Variants in ATP13A3 observed in about 807,000 individuals in gnomAD.
ATP13A3 encodes the protein ATPase 13A3.
A neutral mutation model predicts 158.1 loss-of-function variants in ATP13A3; 59 were observed. That is an observed-to-expected ratio of 0.37 (90% CI 0.30 to 0.46). The LOEUF is 0.46. Among genes scored for constraint, ATP13A3 ranks in the 20% least tolerant of loss-of-function variants. The pLI is 1.00. For synonymous variants in ATP13A3, 491 were observed against 504.3 expected, an observed-to-expected ratio of 0.97 and a Z score of 0.35; for missense variants, 1,166 against 1,525.2, an observed-to-expected ratio of 0.76 and a Z score of 3.92.
intron 4 of ATP13A3, 29 bp from the exon 5 acceptor site, chr3:194,460,000 G>T: frequency 6.5e-7 from 1 of 1,544,336 alleles, no homozygotes; most frequent in South Asian, 1.2e-5. Flanking sequence ...TAACGGTAAG[G>T]AGTCAATTTT....
chr3:194,477,603 T>C (rs1026704713), intron 2 of ATP13A3, among the ~76,000 whole-genome samples: 6 of 152,208 alleles, frequency 3.9e-5, no homozygotes, highest in Non-Finnish European at 7.3e-5. Flanking sequence ...GATCCTTCTG[T>C]TCAGAAGTTA....
Position 194,403,899 on chromosome 3 carries a change from C to A in ATP13A3, c.*2020G>T. The A allele has an allele frequency of 3.2e-6, 1 of 307,992 alleles. No individual in the cohort carries two copies. 19.1% of individuals were successfully genotyped at this position (307,992 alleles called of 1,614,324 possible). On this transcript the variant is annotated 3_prime_UTR_variant, in exon 34 of 34. Coordinates refer to ENST00000645319, the MANE Select transcript of ATP13A3 (RefSeq NM_001367549.1). ...AGAAGAGATATAAAACCCTTACTAA[C>A]TCTAAATGTTAAAAAAGTGGGGGGG...
intron 30 of ATP13A3, chr3:194,424,533 T>C (rs1716618310): frequency 6.6e-6 from 1 of 152,198 alleles, no homozygotes. Flanking sequence ...GTGATTCCTA[T>C]GACATACCGA....
chr3:194,483,867 T>C (rs1720857567), intron 2 of ATP13A3, among the ~76,000 whole-genome samples: 1 of 152,160 alleles, frequency 6.6e-6, no homozygotes, highest in Admixed American at 6.5e-5. Flanking sequence ...CTTTAAAAAA[T>C]AAGAAATGTG....
chr3:194,449,374 T>A (rs1448299374), intron 11 of ATP13A3, among the ~76,000 whole-genome samples: 1 of 151,640 alleles, frequency 6.6e-6, no homozygotes, highest in African/African-American at 2.4e-5. Context: ...AAAAAAAAAA[T>A]TCACACGATT....
At chr3:194,409,655 T>G (rs80218867) in intron 33 of ATP13A3, among the ~76,000 whole-genome samples, 5,157 of 151,222 alleles carry the variant, frequency 0.034, 335 homozygotes, top group African/African-American at 0.12. Context: ...AAAGCATTTC[T>G]GATGAATAAT....
chr3:194,432,327 A>C (rs552291535), intron 21 of ATP13A3, among the ~76,000 whole-genome samples: 1 of 152,342 alleles, frequency 6.6e-6, no homozygotes, highest in East Asian at 1.9e-4. Flanking sequence ...ATCATACAAA[A>C]CAAAAAGGTA....
chr3:194,446,321 T>C (rs1718401217), intron 14 of ATP13A3, among the ~76,000 whole-genome samples: 1 of 149,324 alleles, frequency 6.7e-6, no homozygotes, highest in Non-Finnish European at 1.5e-5. Flanking sequence ...TGGGTTTCAC[T>C]CCAGGTACTT....
chr3:194,466,951 CA>C (rs1220098048), intron 2 of ATP13A3, among the ~76,000 whole-genome samples: 3 of 152,204 alleles, frequency 2.0e-5, no homozygotes, highest in Non-Finnish European at 4.4e-5. Flanking sequence ...GCCTCTGGGG[CA>C]CTGACTCAAA....
At chr3:194,458,420 G>A (rs1024603227) in intron 6 of ATP13A3, among the ~76,000 whole-genome samples, 3 of 151,752 alleles carry the variant, frequency 2.0e-5, no homozygotes, top group South Asian at 2.1e-4. Context: ...ACGCAGTTTC[G>A]CTCTTTGGCC....
chr3:194,453,006 T>C (rs769802897), intron 10 of ATP13A3: 1 of 152,114 alleles, frequency 6.6e-6, no homozygotes, highest in Non-Finnish European at 1.5e-5. Context: ...TGTATACTTT[T>C]AGTTCTTAAA....
At chr3:194,483,636 T>C (rs990529728) in intron 2 of ATP13A3, among the ~76,000 whole-genome samples, 1 of 152,128 alleles carries the variant, frequency 6.6e-6, no homozygotes, top group East Asian at 1.9e-4. Context: ...ACTCTCTCCA[T>C]AGGCCAATTA....
rs1719585459 is a variant in ATP13A3 at position 194,460,663 on chromosome 3, T to A, written c.220A>T (p.Thr74Ser). 1 of 1,613,636 alleles carries A rather than the reference T, an allele frequency of 6.2e-7. No individual in the cohort carries two copies. Among genetic ancestry groups the A allele is most frequent in the Non-Finnish European group, 8.5e-7 (1 of 1,179,878 alleles). The change falls in exon 4 of 34, where the codon ACT (threonine) becomes TCT (serine). Residue 74 changes from threonine (T) to serine (S), a missense_variant. Physicochemically the swap from Thr to Ser is moderately conservative, Grantham distance 58. Coordinates refer to ENST00000645319, the MANE Select transcript of ATP13A3 (RefSeq NM_001367549.1). The part of the protein sequence containing the change: ...IKDCEVVLLR[T>S]TDEFKMWFCA... ...AAGTAAACACATAAACTTACAGTAG[T>A]CCTCAGCAGCACTACTTCACAGTCT... is the stretch of plus-strand genomic sequence containing the variant.
intron 2 of ATP13A3, among the ~76,000 whole-genome samples, chr3:194,473,013 G>A (rs893927267): frequency 6.6e-6 from 1 of 152,052 alleles, no homozygotes. Flanking sequence ...TGAAGGAAGG[G>A]GTGGGGCAAG....
At chr3:194,410,316 A>AAAAC (rs1560066699) in intron 33 of ATP13A3, among the ~76,000 whole-genome samples, 4 of 145,572 alleles carry the variant, frequency 2.7e-5, no homozygotes, top group East Asian at 2.0e-4. Flanking sequence ...AAAAAAAAAA[A>AAAAC]AAAAAAAAAA....
intron 11 of ATP13A3, among the ~76,000 whole-genome samples, chr3:194,449,642 T>TG (rs1718665066): frequency 6.7e-6 from 1 of 150,048 alleles, no homozygotes; most frequent in Non-Finnish European, 1.5e-5. Flanking sequence ...GCACCACTGC[T>TG]CTCCATCCTG....
chr3:194,463,676 G>A (rs956318747), intron 2 of ATP13A3, among the ~76,000 whole-genome samples: 13 of 152,224 alleles, frequency 8.5e-5, no homozygotes, highest in Admixed American at 2.6e-4. Context: ...CTTGACACAC[G>A]CTAGGCACTC....
intron 16 of ATP13A3, among the ~76,000 whole-genome samples, chr3:194,440,141 A>C (rs1717942438): frequency 6.6e-6 from 1 of 152,176 alleles, no homozygotes; most frequent in Non-Finnish European, 1.5e-5. Flanking sequence ...ACCTGAAGGA[A>C]GGGATTTCAA....
At chr3:194,429,630 T>C (rs776740366) in intron 27 of ATP13A3, 48 bp downstream of exon 27, 1 of 1,385,548 alleles carries the variant, frequency 7.2e-7, no homozygotes, top group Non-Finnish European at 1.0e-6. Context: ...ACATCTTAAT[T>C]TACGGTGCAC....
Sources: allele counts gnomAD v4.1 joint callset (sites outside exome capture counted in the v4.1 genomes callset), GRCh38; gene constraint gnomAD v4.1.1; transcripts MANE v1.5; gene names NCBI Gene and HGNC (gene_info 2026-07-23, HGNC 2026-07-21).